The following PTPRD variants were observed in gnomAD, a reference collection of about 807,000 sequenced individuals.
The protein encoded by PTPRD is protein tyrosine phosphatase receptor type D.
In PTPRD, 34 loss-of-function variants were observed where a neutral mutation model predicts 214.5. The observed-to-expected ratio is 0.16, with a 90% confidence interval of 0.12 to 0.21. The LOEUF (loss-of-function observed/expected upper bound fraction) is 0.21. PTPRD is among the 10% of genes least tolerant of loss of function. PTPRD has a pLI of 1.00. For synonymous variants in PTPRD, 1,128 were observed against 845.7 expected (o/e 1.33, Z -5.79); for missense variants, 2,545 against 2,398.7 (o/e 1.06, Z -1.27).
intron 2 of PTPRD, among the ~76,000 whole-genome samples, chr9:10,591,539 A>G (rs2075442934): frequency 6.6e-6 from 1 of 151,982 alleles, no homozygotes; most frequent in Admixed American, 6.6e-5. Context: ...AGACCCTCCC[A>G]TTAATGTACA....
At chr9:8,694,551 G>A (rs766046562) in intron 12 of PTPRD, among the ~76,000 whole-genome samples, 5 of 152,072 alleles carry the variant, frequency 3.3e-5, no homozygotes, top group Non-Finnish European at 7.4e-5. Flanking sequence ...ATGCTCACCA[G>A]CAGAAGATAA....
chr9:8,351,742 T>TAAAAAAA (rs71317359), intron 39 of PTPRD, among the ~76,000 whole-genome samples: 9 of 68,524 alleles, frequency 1.3e-4, no homozygotes, highest in African/African-American at 5.9e-4. Context: ...TGGCAAAGAG[T>TAAAAAAA]AAAAAAAAAA....
chr9:9,948,857 A>T (rs945042124), intron 4 of PTPRD, among the ~76,000 whole-genome samples: 2 of 152,116 alleles, frequency 1.3e-5, no homozygotes, highest in Non-Finnish European at 1.5e-5. Context: ...TGACAATAAA[A>T]AGATAATTGC....
chr9:9,508,211 T>A (rs1196522226), intron 8 of PTPRD, among the ~76,000 whole-genome samples: 1 of 151,500 alleles, frequency 6.6e-6, no homozygotes, highest in African/African-American at 2.4e-5. Flanking sequence ...GTAAAGATAA[T>A]TTTTAAATTT....
At chr9:9,784,322 A>G (rs545729119) in intron 5 of PTPRD, among the ~76,000 whole-genome samples, 1 of 152,214 alleles carries the variant, frequency 6.6e-6, no homozygotes, top group African/African-American at 2.4e-5. Flanking sequence ...TTTAAAGTGA[A>G]TATTAAGAAA....
At chr9:10,155,677 G>C (rs1421885060) in intron 3 of PTPRD, among the ~76,000 whole-genome samples, 1 of 152,124 alleles carries the variant, frequency 6.6e-6, no homozygotes, top group East Asian at 1.9e-4. Flanking sequence ...TTTATCAAAA[G>C]CTTCCTCTCC....
At chr9:10,566,832 T>C (rs2065785925) in intron 2 of PTPRD, among the ~76,000 whole-genome samples, 1 of 152,076 alleles carries the variant, frequency 6.6e-6, no homozygotes, top group South Asian at 2.1e-4. Flanking sequence ...CAGGAACTGA[T>C]TTGAATGTGG....
At chr9:8,776,439 C>A (rs1420316748) in intron 11 of PTPRD, among the ~76,000 whole-genome samples, 2 of 152,070 alleles carry the variant, frequency 1.3e-5, no homozygotes, top group African/African-American at 4.8e-5. Flanking sequence ...GTAGCTGGGA[C>A]TACAGGTGCA....
intron 6 of PTPRD, among the ~76,000 whole-genome samples, chr9:9,748,363 A>G (rs1182955100): frequency 6.6e-6 from 1 of 152,232 alleles, no homozygotes; most frequent in Non-Finnish European, 1.5e-5. Flanking sequence ...GATCCATAGA[A>G]GTGTTTAATA....
chr9:8,858,113 T>TTCCTCCTCC (rs2097986555), intron 11 of PTPRD: 1 of 163,106 alleles, frequency 6.1e-6, no homozygotes, highest in Admixed American at 6.5e-5. Context: ...CCTCCTCCTC[T>TTCCTCCTCC]TCCTCCTCCT....
intron 4 of PTPRD, among the ~76,000 whole-genome samples, chr9:10,008,182 T>C (rs187867364): frequency 5.9e-5 from 9 of 152,070 alleles, no homozygotes; most frequent in Non-Finnish European, 1.0e-4. Flanking sequence ...CCTTGAAAAC[T>C]GAGTTCTCAC....
In PTPRD at chr9:9,060,439, G is replaced by C. The variant is rs1275203931; in HGVS notation, c.-142-41704C>G. On this transcript the variant is annotated intron_variant, in intron 10 of 45. Coordinates refer to ENST00000381196, the MANE Select transcript of PTPRD (RefSeq NM_002839.4). ...AGAATAATTTTAGAATCTTGGGACA[G>C]AAGAAAAATTTCTGCAATAGACACA... Among the ~76,000 whole-genome samples, 4 of 151,954 alleles carry C rather than the reference G, an allele frequency of 2.6e-5. No homozygotes were observed. The East Asian group carries it at 7.7e-4, about 29-fold the overall frequency.
intron 2 of PTPRD, among the ~76,000 whole-genome samples, chr9:10,479,521 A>G (rs1312419613): frequency 6.6e-6 from 1 of 152,080 alleles, no homozygotes; most frequent in Non-Finnish European, 1.5e-5. Flanking sequence ...CAGACAGAAT[A>G]TACTTTGAAA....
chr9:10,108,642 T>C (rs1385635052), intron 3 of PTPRD, among the ~76,000 whole-genome samples: 1 of 152,052 alleles, frequency 6.6e-6, no homozygotes, highest in Non-Finnish European at 1.5e-5. Flanking sequence ...ATAAAATCAA[T>C]ATGTTGAAGA....
intron 11 of PTPRD, among the ~76,000 whole-genome samples, chr9:8,974,821 G>C (rs2099259041): frequency 6.6e-6 from 1 of 152,020 alleles, no homozygotes; most frequent in Admixed American, 6.6e-5. Context: ...TTTGGGCCAG[G>C]TGTGGTGGCT....
intron 5 of PTPRD, among the ~76,000 whole-genome samples, chr9:9,909,194 T>C (rs1474229002): frequency 6.6e-6 from 1 of 151,976 alleles, no homozygotes; most frequent in African/African-American, 2.4e-5. Flanking sequence ...AGCACATTTC[T>C]ACCTGAAATG....
At chr9:9,186,635 T>TCTCTCTCTCTCTCTGTCTCTCC (rs2099931737) in intron 9 of PTPRD, among the ~76,000 whole-genome samples, 3 of 2,746 alleles carry the variant, frequency 1.1e-3, no homozygotes, top group African/African-American at 2.9e-3. Context: ...TCTCTCCCTC[T>TCTCTCTCTCTCTCTGTCTCTCC]CTCTCTCTCT....
intron 12 of PTPRD, among the ~76,000 whole-genome samples, chr9:8,696,755 AAGG>A (rs1565356490): frequency 6.6e-6 from 1 of 152,238 alleles, no homozygotes. Flanking sequence ...AAGCCAAGAT[AAGG>A]AGTTTTTACT....
chr9:9,619,633 G>GTTAATATTTATATTGTATAGAAATATT (rs2095116827), intron 7 of PTPRD, among the ~76,000 whole-genome samples: 1 of 143,334 alleles, frequency 7.0e-6, no homozygotes, highest in South Asian at 2.2e-4. Flanking sequence ...TAATCTATAT[G>GTTAATATTTATATTGTATAGAAATATT]TTAATATTTA....
Sources: allele counts gnomAD v4.1 joint callset (sites outside exome capture counted in the v4.1 genomes callset), GRCh38; gene constraint gnomAD v4.1.1; transcripts MANE v1.5; gene names NCBI Gene and HGNC (gene_info 2026-07-23, HGNC 2026-07-21).